RND2: variants seen among roughly 807,000 people sequenced by gnomAD.
RND2 encodes Rho family GTPase 2.
Under a neutral mutation model 25.9 loss-of-function variants are expected in RND2, and 16 were observed. That is an observed-to-expected ratio of 0.62 (90% CI 0.42 to 0.94). The LOEUF (loss-of-function observed/expected upper bound fraction) is 0.94. Among genes scored for constraint, RND2 ranks in the 40% least tolerant of loss-of-function variants. The pLI is 0.00. For synonymous variants in RND2, 97 were observed against 118.1 expected, an observed-to-expected ratio of 0.82 and a Z score of 1.16; for missense variants, 276 against 305.5, an observed-to-expected ratio of 0.90 and a Z score of 0.72.
In RND2 at chr17:43,027,241, C is replaced by T; in HGVS notation, c.249C>T (p.Leu83=). ...CCTATCCTGATTCTGATGCTGTGCTCATCTGCTTCGACATTAGCCGACCAG... is the reference window on the plus strand; with the variant it reads ...CCTATCCTGATTCTGATGCTGTGCTTATCTGCTTCGACATTAGCCGACCAG... ...PLAYPDSDAV[L]ICFDISRPET... is the part of the protein sequence containing the mutation. Residue 83 remains leucine, a synonymous_variant, in exon 3 of 5, where the codon CTC becomes CTT. Coordinates refer to ENST00000587250, the MANE Select transcript of RND2 (RefSeq NM_005440.5). 1 of 1,613,152 alleles carries T rather than the reference C, an allele frequency of 6.2e-7. No individual in the cohort carries two copies. The highest frequency in any genetic ancestry group is 2.2e-5 in the East Asian group (1 of 44,818).
chr17:43,028,033 C>T, intron 3 of RND2, 28 bp from the exon 4 acceptor site: 2 of 1,602,258 alleles, frequency 1.2e-6, no homozygotes, highest in East Asian at 4.5e-5. Context: ...TCCACCCCTC[C>T]ACAATTCTCT....
chr17:43,025,599 A>T, intron 1 of RND2, 150 bp downstream of exon 1: 1 of 1,029,996 alleles, frequency 9.7e-7, no homozygotes, highest in Non-Finnish European at 1.4e-6. Flanking sequence ...GGGCTCAGGA[A>T]GGACTGCAGA....
At position 43,028,163 on chromosome 17, in the gene RND2, A is replaced by G. The variant is rs773699219; in HGVS notation, c.403A>G (p.Lys135Glu). Residue 135 changes from lysine to glutamate, a missense_variant, in exon 4 of 5, where the codon AAG (lysine) becomes GAG (glutamate). By Grantham distance (56) the Lys-to-Glu change is moderately conservative. Transcript: ENST00000587250. The stretch of plus-strand genomic sequence containing the variant: ...CCTGGCCACACTGAGGGAGCTGTCC[A>G]AGCAGAGGCTTATCCCTGTTACACA... ...TDLATLRELS[K>E]QRLIPVTHEQ... The G allele has an allele frequency of 2.0e-5, 32 of 1,614,072 alleles. No individual in the cohort carries two copies. The highest frequency in any genetic ancestry group is 2.4e-5 in the Non-Finnish European group (28 of 1,180,040).
Position 43,026,692 on chromosome 17 carries a change from A to AG in RND2, c.191-487dup, listed in dbSNP as rs1172749744. ...AAAGACATTTAGAATGTCTTGAGTG[A>AG]GGGGTGGTCAGGAGGCTGTTTCTCT... On this transcript the variant is annotated intron_variant, in intron 2 of 4. Transcript: ENST00000587250. Among the ~76,000 whole-genome samples, 4 of 152,298 alleles carry AG rather than the reference A, an allele frequency of 2.6e-5. No individual in the cohort carries two copies. The East Asian group carries it at 7.7e-4, about 29-fold the overall frequency.
chr17:43,025,931 A>T, intron 1 of RND2, 29 bp from the exon 2 acceptor site: 1 of 1,552,892 alleles, frequency 6.4e-7, no homozygotes, highest in Non-Finnish European at 8.9e-7. Context: ...TGGAGAGATG[A>T]TCTCATCTGG....
At chr17:43,026,368 G>T in intron 2 of RND2, 1 of 285,880 alleles carries the variant, frequency 3.5e-6, no homozygotes, top group Non-Finnish European at 6.8e-6. Context: ...GACATTTAGA[G>T]GCCAGGCACG....
At chr17:43,026,101 C>G in intron 2 of RND2, 54 bp downstream of exon 2, 1 of 1,326,242 alleles carries the variant, frequency 7.5e-7, no homozygotes, top group South Asian at 1.2e-5. Context: ...ACTCTGTCCC[C>G]TCCCTTGGTT....
At chr17:43,028,252 C>A in intron 4 of RND2, 57 bp downstream of exon 4, 1 of 1,608,034 alleles carries the variant, frequency 6.2e-7, no homozygotes, top group South Asian at 1.1e-5. Flanking sequence ...TCTGCCCCTT[C>A]AGTCTCTGAT....
intron 3 of RND2, 42 bp downstream of exon 3, chr17:43,027,334 C>G (rs918921252): frequency 3.7e-6 from 5 of 1,362,682 alleles, no homozygotes; most frequent in Non-Finnish European, 5.2e-6. Context: ...TGAGGGGGAC[C>G]AGACCACCAT....
In RND2 at chr17:43,026,294, G is replaced by T; in HGVS notation, c.190+247G>T. On this transcript the variant is annotated intron_variant, in intron 2 of 4. Coordinates refer to ENST00000587250, the MANE Select transcript of RND2 (RefSeq NM_005440.5). ...AGCTGGGTCCTGCCTACCTGGGAAA[G>T]TTGGGAAGGAATGGCTTTTAATTTG... is the stretch of plus-strand genomic sequence containing the variant. 6.3e-6 allele frequency: 3 copies of T among 477,814 alleles called. No individual in the cohort carries two copies. In the South Asian group the frequency reaches 1.0e-4, roughly 16 times the overall value. 29.6% of individuals were successfully genotyped at this position (477,814 alleles called of 1,614,324 possible).
chr17:43,028,279 T>G, intron 4 of RND2, 84 bp downstream of exon 4: 1 of 1,597,078 alleles, frequency 6.3e-7, no homozygotes, highest in Non-Finnish European at 8.5e-7. Flanking sequence ...ACACCTTACC[T>G]GGCTCATCCT....
chr17:43,026,366 G>T lies in RND2; in HGVS notation c.190+319G>T, dbSNP rs181968856. On this transcript the variant is annotated intron_variant, in intron 2 of 4. Coordinates refer to ENST00000587250, the MANE Select transcript of RND2 (RefSeq NM_005440.5). ...AGACTGGGTTTAGAAAAGACATTTA[G>T]AGGCCAGGCACGGTGGCTCACGCCT... is the stretch of plus-strand genomic sequence containing the variant. 4.5e-4 allele frequency: 135 copies of T among 297,126 alleles called. 2 individuals are homozygous for T. In the East Asian group the frequency reaches 6.1e-3, roughly 13 times the overall value. The allele number at this position is 297,126 out of a possible 1,614,324, so 18.4% of individuals were successfully genotyped here.
intron 3 of RND2, 68 bp from the exon 4 acceptor site, chr17:43,027,993 C>A: frequency 6.5e-7 from 1 of 1,535,904 alleles, no homozygotes; most frequent in Non-Finnish European, 8.8e-7. Context: ...ACACTGCTGG[C>A]ATGGCACAAA....
intron 2 of RND2, 69 bp downstream of exon 2, chr17:43,026,116 C>G: frequency 9.2e-7 from 1 of 1,087,278 alleles, no homozygotes; most frequent in Non-Finnish European, 1.4e-6. Context: ...TTGGTTAGAC[C>G]CTTAGGTTCC....
intron 3 of RND2, among the ~76,000 whole-genome samples, chr17:43,027,614 TC>T (rs2050634256): frequency 6.6e-6 from 1 of 151,980 alleles, no homozygotes; most frequent in Admixed American, 6.5e-5. Flanking sequence ...GGAAGCCTGA[TC>T]CTGGAGCTCA....
At chr17:43,028,346 C>A in intron 4 of RND2, 86 bp from the exon 5 acceptor site, 1 of 1,584,962 alleles carries the variant, frequency 6.3e-7, no homozygotes, top group South Asian at 1.2e-5. Context: ...CCTTGACATT[C>A]AACCCCAGCC....
chr17:43,025,946 A>C lies in RND2; in HGVS notation c.103-14A>C, dbSNP rs374133872. On this transcript the variant is annotated splice_polypyrimidine_tract_variant and intron_variant, in intron 1 of 4. Coordinates refer to ENST00000587250, the MANE Select transcript of RND2 (RefSeq NM_005440.5). ...TGGAGAGATGATCTCATCTGGATCC[A>C]TCCGTGTCTGCAGAGTTATGTCCCC... is the stretch of plus-strand genomic sequence containing the variant. 1.2e-5 allele frequency: 20 copies of C among 1,604,710 alleles called. No individual in the cohort carries two copies. Among genetic ancestry groups the C allele is most frequent in the Non-Finnish European group, 1.6e-5 (19 of 1,171,976 alleles).
At chr17:43,027,699 C>G (rs1235688969) in intron 3 of RND2, among the ~76,000 whole-genome samples, 3 of 150,818 alleles carry the variant, frequency 2.0e-5, no homozygotes, top group Non-Finnish European at 3.0e-5. Context: ...CAGAAGTCAG[C>G]TAGGGCAGCC....
rs1268109486 is a variant in RND2, at chr17:43,025,437, C to G, written c.90C>G (p.Asp30Glu). Reference sequence around the variant, plus strand: ...CGCTGCTGCAGGTGTTCGCCAAGGACGCCTATCCCGGGGTGAGGGACCTGC... The same window carrying G: ...CGCTGCTGCAGGTGTTCGCCAAGGAGGCCTATCCCGGGGTGAGGGACCTGC... Reference protein sequence around the residue: ...KTALLQVFAKDAYPGSYVPTV... With the variant: ...KTALLQVFAKEAYPGSYVPTV... The change falls in exon 1 of 5, where the codon GAC becomes GAG. Residue 30 changes from aspartate (D) to glutamate (E), a missense_variant. By Grantham distance (45) the Asp-to-Glu change is conservative. Coordinates refer to ENST00000587250, the MANE Select transcript of RND2 (RefSeq NM_005440.5). The G allele has an allele frequency of 4.5e-6, 7 of 1,544,996 alleles. No individual in the cohort carries two copies. The Admixed American group carries it at 1.4e-4, about 31-fold the overall frequency.
Sources: gnomAD v4.1 joint callset for allele counts (sites outside exome capture counted in the v4.1 genomes callset) on GRCh38, gnomAD v4.1.1 for gene constraint, MANE v1.5 for transcripts, NCBI Gene and HGNC (gene_info 2026-07-23, HGNC 2026-07-21) for gene names.